The following GRIK2 variants were observed in gnomAD, a reference collection of about 807,000 sequenced individuals.
GRIK2 encodes the protein glutamate receptor ionotropic, kainate 2.
A neutral mutation model predicts 100.3 loss-of-function variants in GRIK2; 32 were observed. That is an observed-to-expected ratio of 0.32 (90% confidence interval 0.24 to 0.43). The LOEUF (loss-of-function observed/expected upper bound fraction) is 0.43. Among genes scored for constraint, GRIK2 ranks in the 20% least tolerant of loss-of-function variants. The pLI is 1.00. For missense variants in GRIK2, 843 were observed against 1,114.9 expected, an observed-to-expected ratio of 0.76 and a Z score of 3.47; for synonymous variants, 417 against 389.4, an observed-to-expected ratio of 1.07 and a Z score of -0.83.
At chr6:101,823,137 GT>G (rs1782066961) in intron 10 of GRIK2, among the ~76,000 whole-genome samples, 2 of 151,968 alleles carry the variant, frequency 1.3e-5, no homozygotes, top group Admixed American at 6.6e-5. Flanking sequence ...TTAGTACTTA[GT>G]TTTCTTTTAC....
intron 12 of GRIK2, among the ~76,000 whole-genome samples, chr6:101,895,712 C>CAA (rs201118964): frequency 1.3e-5 from 2 of 150,612 alleles, no homozygotes; most frequent in African/African-American, 4.9e-5. Flanking sequence ...AGCTTTTTAC[C>CAA]AAAAAAAACG....
chr6:101,619,963 G>A (rs1780070952), intron 2 of GRIK2, among the ~76,000 whole-genome samples: 1 of 152,070 alleles, frequency 6.6e-6, no homozygotes, highest in South Asian at 2.1e-4. Flanking sequence ...TGGCTTTGAA[G>A]GTTCATTGTG....
intron 2 of GRIK2, among the ~76,000 whole-genome samples, chr6:101,522,091 C>G (rs1310981978): frequency 6.6e-6 from 1 of 152,052 alleles, no homozygotes; most frequent in African/African-American, 2.4e-5. Context: ...TAGCAGTTAT[C>G]AAAATTTTAG....
chr6:101,906,028 A>G (rs1582503178), intron 12 of GRIK2, among the ~76,000 whole-genome samples: 1 of 151,776 alleles, frequency 6.6e-6, no homozygotes, highest in South Asian at 2.1e-4. Context: ...TCTTAACTCA[A>G]ATATTAAAGT....
chr6:101,855,272 C>A (rs1784364547), intron 10 of GRIK2, among the ~76,000 whole-genome samples: 1 of 152,112 alleles, frequency 6.6e-6, no homozygotes, highest in Non-Finnish European at 1.5e-5. Flanking sequence ...AACATAATCT[C>A]TAATTCCTCT....
chr6:101,652,081 T>G (rs534285259), intron 4 of GRIK2, among the ~76,000 whole-genome samples: 1 of 152,242 alleles, frequency 6.6e-6, no homozygotes, highest in South Asian at 2.1e-4. Context: ...TCATTGGCAA[T>G]CTTGCCAAGA....
At chr6:101,598,229 A>G (rs1034634473) in intron 2 of GRIK2, among the ~76,000 whole-genome samples, 1 of 151,470 alleles carries the variant, frequency 6.6e-6, no homozygotes, top group Non-Finnish European at 1.5e-5. Context: ...AGTCACTTCA[A>G]TACCCCCTTT....
intron 7 of GRIK2, among the ~76,000 whole-genome samples, chr6:101,794,026 A>G (rs1478912833): frequency 6.6e-6 from 1 of 152,190 alleles, no homozygotes; most frequent in Non-Finnish European, 1.5e-5. Flanking sequence ...GGTGCAGGAT[A>G]TAATCTCCTG....
At chr6:101,424,651 T>A (rs1358324229) in intron 2 of GRIK2, among the ~76,000 whole-genome samples, 1 of 151,910 alleles carries the variant, frequency 6.6e-6, no homozygotes, top group Middle Eastern at 3.2e-3. Flanking sequence ...TGTGCCATGT[T>A]GGTGTGCTGC....
chr6:102,011,924 T>C (rs574762789), intron 14 of GRIK2, among the ~76,000 whole-genome samples: 96 of 152,282 alleles, frequency 6.3e-4, no homozygotes, highest in Non-Finnish European at 1.0e-3. Flanking sequence ...TTTGGTGTTA[T>C]ATCTAAAAAG....
intron 14 of GRIK2, among the ~76,000 whole-genome samples, chr6:101,977,590 A>G (rs1439172251): frequency 6.6e-6 from 1 of 151,930 alleles, no homozygotes; most frequent in Non-Finnish European, 1.5e-5. Context: ...AGACCTCACC[A>G]TATTTAGTCA....
At chr6:101,867,841 C>A (rs1359773507) in intron 11 of GRIK2, among the ~76,000 whole-genome samples, 2 of 151,240 alleles carry the variant, frequency 1.3e-5, no homozygotes, top group Non-Finnish European at 3.0e-5. Context: ...TAATAACAAT[C>A]TTCTGCTAAT....
chr6:101,514,160 A>C (rs1394848388), intron 2 of GRIK2, among the ~76,000 whole-genome samples: 2 of 152,164 alleles, frequency 1.3e-5, no homozygotes, highest in Non-Finnish European at 2.9e-5. Context: ...CTTTTCAACA[A>C]ATAGTGCTGA....
chr6:101,593,365 GT>G (rs1442189036), intron 2 of GRIK2, among the ~76,000 whole-genome samples: 1 of 151,780 alleles, frequency 6.6e-6, no homozygotes, highest in Non-Finnish European at 1.5e-5. Context: ...ATAATTTGCT[GT>G]CGTGTAATGA....
chr6:101,802,442 T>A lies in GRIK2; in HGVS notation c.1203+4T>A. 1 of 1,325,654 alleles carries A rather than the reference T, an allele frequency of 7.5e-7. No individual in the cohort carries two copies. The highest frequency in any genetic ancestry group is 1.1e-6 in the Non-Finnish European group (1 of 943,094). The allele number at this position is 1,325,654 out of a possible 1,614,324, so 82.1% of individuals were successfully genotyped here. A position where few individuals can be genotyped will look rare whatever the true frequency, so the allele number is the denominator to read the frequency against. On this transcript the variant is annotated splice_donor_region_variant and intron_variant, in intron 9 of 16. Transcript: ENST00000369134. The stretch of plus-strand genomic sequence containing the variant: ...GAAGGAAGAAGGTCTAGAAAAGGTA[T>A]TTCAGTGAGCTTATTTGCTTTAATT...
chr6:101,911,862 C>T (rs1788716192), intron 12 of GRIK2, among the ~76,000 whole-genome samples: 1 of 151,384 alleles, frequency 6.6e-6, no homozygotes, highest in African/African-American at 2.4e-5. Flanking sequence ...AGTTGAAAAT[C>T]ATGAGCTTTA....
In GRIK2 at chr6:101,765,350, C is replaced by T. The variant is rs148421044; in HGVS notation, c.952-34298C>T. 2.7e-3 allele frequency among the ~76,000 whole-genome samples: 417 copies of T among 152,228 alleles called. 2 individuals carry two copies. Among genetic ancestry groups the T allele is most frequent in the African/African-American group, 8.7e-3 (361 of 41,552 alleles). On this transcript the variant is annotated intron_variant, in intron 7 of 16. Coordinates refer to ENST00000369134, the MANE Select transcript of GRIK2 (RefSeq NM_021956.5). Reference sequence around the variant, plus strand: ...CATTAGCTTAGTGCCTAGCATAGGGCAGCTGAGTACTGAATGCGTGTGTGC... The same window carrying T: ...CATTAGCTTAGTGCCTAGCATAGGGTAGCTGAGTACTGAATGCGTGTGTGC...
intron 15 of GRIK2, among the ~76,000 whole-genome samples, chr6:102,052,007 C>T (rs1771225340): frequency 6.6e-6 from 1 of 152,110 alleles, no homozygotes; most frequent in Non-Finnish European, 1.5e-5. Flanking sequence ...TCTCTATCTA[C>T]ATAATTAATG....
Position 101,885,720 on chromosome 6 carries a change from A to G in GRIK2, c.1525-3920A>G, listed in dbSNP as rs114068190. Among the ~76,000 whole-genome samples, 1,068 of 152,268 alleles carry G rather than the reference A, an allele frequency of 7.0e-3. 14 individuals carry two copies. The highest frequency in any genetic ancestry group is 0.025 in the African/African-American group (1,025 of 41,578). ...TATATCTACTAACTGAGGATATGGT[A>G]AAAACAACATATTGTTATTTAAAAA... On this transcript the variant is annotated intron_variant, in intron 11 of 16. Transcript: ENST00000369134.
Sources: allele counts gnomAD v4.1 joint callset (sites outside exome capture counted in the v4.1 genomes callset), GRCh38; gene constraint gnomAD v4.1.1; transcripts MANE v1.5; gene names NCBI Gene and HGNC (gene_info 2026-07-23, HGNC 2026-07-21).